Variants in PAK5 observed in about 807,000 individuals in gnomAD.
The protein encoded by PAK5 is serine/threonine-protein kinase PAK 5.
In PAK5, 16 loss-of-function variants were observed where a neutral mutation model predicts 65.9. That is an observed-to-expected ratio of 0.24 (90% CI 0.16 to 0.37). The LOEUF (loss-of-function observed/expected upper bound fraction) is 0.37. PAK5 is among the 10% of genes least tolerant of loss of function. The pLI is 1.00. For synonymous variants in PAK5, 371 were observed against 354.9 expected, an observed-to-expected ratio of 1.05 and a Z score of -0.51; for missense variants, 785 against 903.9, an observed-to-expected ratio of 0.87 and a Z score of 1.69.
Position 9,715,302 on chromosome 20 carries a change from T to C in PAK5, c.-161-3867A>G, listed in dbSNP as rs1224540094. On this transcript the variant is annotated intron_variant, in intron 1 of 9. Transcript: ENST00000353224. ...CAACAGACACATGAAAAAATGCTCA[T>C]CATCACTGGCCATCAGAGAAATGCA... Among the ~76,000 whole-genome samples, 5 of 152,180 alleles carry C rather than the reference T, an allele frequency of 3.3e-5. No individual in the cohort carries two copies. The East Asian group carries it at 9.6e-4, about 29-fold the overall frequency.
At chr20:9,557,235 C>T (rs1044171835) in intron 7 of PAK5, among the ~76,000 whole-genome samples, 4 of 152,140 alleles carry the variant, frequency 2.6e-5, no homozygotes, top group Non-Finnish European at 4.4e-5. Flanking sequence ...GTTACCTGCA[C>T]GGGCTCTGGA....
intron 1 of PAK5, among the ~76,000 whole-genome samples, chr20:9,820,178 G>T (rs1431123200): frequency 1.3e-5 from 2 of 152,082 alleles, no homozygotes; most frequent in Non-Finnish European, 1.5e-5. Context: ...ACATCCAGCT[G>T]CAAAGACAAG....
At chr20:9,664,453 A>T (rs1474933893) in intron 2 of PAK5, among the ~76,000 whole-genome samples, 12 of 152,230 alleles carry the variant, frequency 7.9e-5, no homozygotes, top group Admixed American at 7.9e-4. Flanking sequence ...AGGACTATGG[A>T]AATCAACAAG....
chr20:9,784,636 A>G (rs927108513), intron 1 of PAK5: 6 of 147,554 alleles, frequency 4.1e-5, no homozygotes, highest in Non-Finnish European at 8.9e-5. Context: ...CAAGTCCTAT[A>G]TCAGGTGGGA....
At chr20:9,605,938 G>A (rs572108454) in intron 3 of PAK5, among the ~76,000 whole-genome samples, 1 of 152,184 alleles carries the variant, frequency 6.6e-6, no homozygotes, top group East Asian at 1.9e-4. Flanking sequence ...TCAAAAAAAA[G>A]TGAAGAGAAT....
chr20:9,589,843 T>C lies in PAK5; in HGVS notation c.205-8913A>G, dbSNP rs190328275. On this transcript the variant is annotated intron_variant, in intron 3 of 9. Transcript: ENST00000353224. The stretch of plus-strand genomic sequence containing the variant: ...GCACCACCATGACCAGTTAGTTTTG[T>C]ATTTTTAGTGGAGATGGGGTTTCAC... Among the ~76,000 whole-genome samples the C allele has an allele frequency of 2.6e-3, 397 of 152,236 alleles. 3 individuals are homozygous for C. The highest frequency in any genetic ancestry group is 4.1e-3 in the Non-Finnish European group (276 of 68,016).
chr20:9,560,989 G>A (rs1229720705), intron 6 of PAK5, among the ~76,000 whole-genome samples: 1 of 152,192 alleles, frequency 6.6e-6, no homozygotes, highest in African/African-American at 2.4e-5. Flanking sequence ...GACAGCACTT[G>A]GAGTTGCAAG....
intron 2 of PAK5, among the ~76,000 whole-genome samples, chr20:9,661,343 A>C (rs2047343993): frequency 6.6e-6 from 1 of 152,002 alleles, no homozygotes; most frequent in South Asian, 2.1e-4. Flanking sequence ...CCACCACCCA[A>C]AGTCTCTCCC....
intron 3 of PAK5, among the ~76,000 whole-genome samples, chr20:9,590,619 CAA>C (rs71184146): frequency 6.5e-4 from 84 of 130,230 alleles, no homozygotes; most frequent in African/African-American, 1.2e-3. Context: ...TGGGCTGTGC[CAA>C]AAAAAAAAAA....
intron 1 of PAK5, among the ~76,000 whole-genome samples, chr20:9,806,223 A>G (rs1362967565): frequency 1.3e-5 from 2 of 152,124 alleles, no homozygotes; most frequent in Non-Finnish European, 2.9e-5. Context: ...TCCTGGCCTC[A>G]AGTGACCTGC....
intron 3 of PAK5, among the ~76,000 whole-genome samples, chr20:9,601,393 A>G (rs2046356293): frequency 6.6e-6 from 1 of 152,166 alleles, no homozygotes; most frequent in African/African-American, 2.4e-5. Flanking sequence ...CTATAACAAG[A>G]AAGTTCCCCT....
At chr20:9,791,948 G>A (rs2049054549) in intron 1 of PAK5, among the ~76,000 whole-genome samples, 1 of 152,048 alleles carries the variant, frequency 6.6e-6, no homozygotes, top group African/African-American at 2.4e-5. Context: ...CCTCATTTAT[G>A]GAATTTCTTC....
At chr20:9,784,746 C>T (rs1376479559) in intron 1 of PAK5, among the ~76,000 whole-genome samples, 3 of 151,268 alleles carry the variant, frequency 2.0e-5, no homozygotes, top group Non-Finnish European at 2.9e-5. Flanking sequence ...ATAGATGGAT[C>T]GTATTCTCTG....
chr20:9,802,426 A>G (rs1119432), intron 1 of PAK5, among the ~76,000 whole-genome samples: 116,801 of 151,886 alleles, frequency 0.77, 45,070 homozygotes, highest in African/African-American at 0.82. Context: ...GGAGAAGGGA[A>G]GTAGTGTGCG....
At position 9,838,053 on chromosome 20, in the gene PAK5, C is replaced by A. The variant is rs767357455; in HGVS notation, c.-162+709G>T. On this transcript the variant is annotated intron_variant, in intron 1 of 9. Coordinates refer to ENST00000353224, the MANE Select transcript of PAK5 (RefSeq NM_177990.4). The surrounding 1 kb of genome is among the most constrained non-coding windows in gnomAD (Gnocchi z 4.5). ...TGATCCCTGGACTTCTCAAGTTTAC[C>A]CTCTAGGAGGCTGACATGGCACACA... Among the ~76,000 whole-genome samples the A allele has an allele frequency of 1.3e-5, 2 of 151,970 alleles. No individual in the cohort carries two copies. Among genetic ancestry groups the A allele is most frequent in the Non-Finnish European group, 2.9e-5 (2 of 68,000 alleles).
chr20:9,692,048 T>C (rs916645085), intron 2 of PAK5, among the ~76,000 whole-genome samples: 1 of 152,204 alleles, frequency 6.6e-6, no homozygotes, highest in African/African-American at 2.4e-5. Flanking sequence ...CCCAGGTACA[T>C]AGTGGTACAT....
chr20:9,689,845 G>A (rs890744524), intron 2 of PAK5, among the ~76,000 whole-genome samples: 7 of 151,870 alleles, frequency 4.6e-5, no homozygotes, highest in Non-Finnish European at 1.0e-4. Context: ...TTTAAAGTGT[G>A]TATGGAGATA....
chr20:9,716,103 A>C (rs1290583943), intron 1 of PAK5, among the ~76,000 whole-genome samples: 1 of 152,116 alleles, frequency 6.6e-6, no homozygotes, highest in African/African-American at 2.4e-5. Flanking sequence ...GCTGAAAAAA[A>C]ATATCTTCTC....
At chr20:9,677,837 C>T (rs1024662959) in intron 2 of PAK5, among the ~76,000 whole-genome samples, 4 of 152,164 alleles carry the variant, frequency 2.6e-5, no homozygotes, top group South Asian at 2.1e-4. Flanking sequence ...CTTGAAATAC[C>T]GTTTATGCTC....
Sources: allele counts gnomAD v4.1 joint callset (sites outside exome capture counted in the v4.1 genomes callset), GRCh38; gene constraint gnomAD v4.1.1; non-coding constraint Gnocchi (gnomAD v3.1); transcripts MANE v1.5; gene names NCBI Gene and HGNC (gene_info 2026-07-23, HGNC 2026-07-21).